The following IL15RA variants were observed in gnomAD, a reference collection of about 807,000 sequenced individuals.
The protein encoded by IL15RA is interleukin 15 receptor subunit alpha.
Under a neutral mutation model 24.2 loss-of-function variants are expected in IL15RA, and 26 were observed. The ratio of observed to expected loss-of-function variants is 1.07; its 90% CI spans 0.79 to 1.49. The LOEUF (loss-of-function observed/expected upper bound fraction) is 1.49. IL15RA is among the 40% of genes most tolerant of loss of function. The pLI, the probability that IL15RA is intolerant of heterozygous loss-of-function variation, is 0.00. For synonymous variants in IL15RA, 166 were observed against 157.6 expected, an observed-to-expected ratio of 1.05 and a Z score of -0.40; for missense variants, 354 against 356.4, an observed-to-expected ratio of 0.99 and a Z score of 0.05.
rs546150725 is a variant in IL15RA at position 5,977,056 on chromosome 10, C to G, written c.88+349G>C. 3 of 219,232 alleles carry G rather than the reference C, an allele frequency of 1.4e-5. No homozygotes were observed. The Admixed American group carries it at 1.8e-4, about 13-fold the overall frequency. The allele number at this position is 219,232 out of a possible 1,614,324, so 13.6% of individuals were successfully genotyped here. A position where few individuals can be genotyped will look rare whatever the true frequency, so the allele number is the denominator to read the frequency against. On this transcript the variant is annotated intron_variant, in intron 1 of 6. Coordinates refer to ENST00000379977, the MANE Select transcript of IL15RA (RefSeq NM_002189.4). ...GGCGCCTGGGAGAAGCGCACTCGCC[C>G]GTGTCTCCAAACTGCTGGACGCCGC...
At chr10:5,951,723 G>A (rs978522531), downstream of IL15RA, among the ~76,000 whole-genome samples, 1 of 152,102 alleles carries the variant, frequency 6.6e-6, no homozygotes, top group Non-Finnish European at 1.5e-5. Flanking sequence ...AGCTACTTGG[G>A]AGGCTGAGGT....
intron 1 of IL15RA, among the ~76,000 whole-genome samples, chr10:5,976,779 G>T (rs1435376472): frequency 2.0e-5 from 3 of 151,452 alleles, no homozygotes; most frequent in Admixed American, 6.6e-5. Flanking sequence ...TAGACTCCAG[G>T]CTGGCCCCCA....
Position 5,975,406 on chromosome 10 carries a change from C to T in IL15RA, c.88+1999G>A, listed in dbSNP as rs546293873. 2.0e-5 allele frequency among the ~76,000 whole-genome samples: 3 copies of T among 150,912 alleles called. No homozygotes were observed. Among genetic ancestry groups the T allele is most frequent in the Non-Finnish European group, 4.4e-5 (3 of 67,908 alleles). On this transcript the variant is annotated intron_variant, in intron 1 of 6. Coordinates refer to ENST00000379977, the MANE Select transcript of IL15RA (RefSeq NM_002189.4). This position sits in a 1 kb window ranked among gnomAD's most constrained non-coding sequence, Gnocchi z 4.8. ...TGCATCAAATTGCCTGGGAGATGGG[C>T]GAGGTGGGAGATGAGGACTGTGCAG...
chr10:5,967,201 A>G lies in IL15RA; in HGVS notation c.89-862T>C, dbSNP rs1349477235. Among the ~76,000 whole-genome samples, 1 of 147,804 alleles carries G rather than the reference A, an allele frequency of 6.8e-6. No individual in the cohort carries two copies. The highest frequency in any genetic ancestry group is 1.5e-5 in the Non-Finnish European group (1 of 67,970). On this transcript the variant is annotated intron_variant, in intron 1 of 6. Transcript: ENST00000379977. This position sits in a 1 kb window ranked among gnomAD's most constrained non-coding sequence, Gnocchi z 4.4. ...GTCTTGCCTTGCCTTACCTTGCCTT[A>G]CCTTGCCTTGCCTTTCTTTTTTGAG...
chr10:5,959,465 T>C lies in IL15RA; in HGVS notation c.616+289A>G, dbSNP rs1835129009. On this transcript the variant is annotated intron_variant, in intron 5 of 6. Coordinates refer to ENST00000379977, the MANE Select transcript of IL15RA (RefSeq NM_002189.4). This position sits in a 1 kb window ranked among gnomAD's most constrained non-coding sequence, Gnocchi z 4.1. Reference sequence around the variant, plus strand: ...TGCTCCATGCAAAAGAGGTGCACCCTGCTGTGAAGAGCTGACCTTGAGCCC... The same window carrying C: ...TGCTCCATGCAAAAGAGGTGCACCCCGCTGTGAAGAGCTGACCTTGAGCCC... Among the ~76,000 whole-genome samples the C allele has an allele frequency of 6.6e-6, 1 of 152,246 alleles. No homozygotes were observed. The highest frequency in any genetic ancestry group is 2.4e-5 in the African/African-American group (1 of 41,476).
Position 5,964,413 on chromosome 10 carries a change from C to T in IL15RA, c.284-572G>A, listed in dbSNP as rs758136204. On this transcript the variant is annotated intron_variant, in intron 2 of 6. Transcript: ENST00000379977. This position sits in a 1 kb window ranked among gnomAD's most constrained non-coding sequence, Gnocchi z 5.6. ...AACTCCTGGTCTCAAGAAATCCCTC[C>T]CATCTCGGCCTCCCAAAGTGCTGGG... is the stretch of plus-strand genomic sequence containing the variant. Among the ~76,000 whole-genome samples, 1 of 152,134 alleles carries T rather than the reference C, an allele frequency of 6.6e-6. No individual in the cohort carries two copies. The highest frequency in any genetic ancestry group is 1.5e-5 in the Non-Finnish European group (1 of 68,022).
chr10:5,949,766 C>T (rs756058327), downstream of IL15RA, among the ~76,000 whole-genome samples: 2 of 152,038 alleles, frequency 1.3e-5, no homozygotes, highest in African/African-American at 2.4e-5. The surrounding 1 kb of genome is among the most constrained non-coding windows in gnomAD (Gnocchi z 4.4). Flanking sequence ...GAATAAAGAA[C>T]GTAAGTGGTT....
downstream of IL15RA, among the ~76,000 whole-genome samples, chr10:5,952,079 A>G (rs1227279852): frequency 6.6e-6 from 1 of 152,200 alleles, no homozygotes; most frequent in African/African-American, 2.4e-5. Context: ...TAGGCCCATG[A>G]TTTTAGAAAT....
intron 6 of IL15RA, chr10:5,954,125 C>G (rs1009615349): frequency 3.3e-5 from 5 of 151,780 alleles, no homozygotes; most frequent in African/African-American, 1.2e-4. Flanking sequence ...AATCAATTCA[C>G]CAAATGACCA....
rs1261143779 is a variant in IL15RA at position 5,960,627 on chromosome 10, C to T, written c.383-60G>A. Reference sequence around the variant, plus strand: ...GTGCAGACTCCCCTCCTCTCAGCTGCAGCACGGGGTGATGTGGGAGCTGCC... The same window carrying T: ...GTGCAGACTCCCCTCCTCTCAGCTGTAGCACGGGGTGATGTGGGAGCTGCC... On this transcript the variant is annotated intron_variant, in intron 3 of 6. Coordinates refer to ENST00000379977, the MANE Select transcript of IL15RA (RefSeq NM_002189.4). The surrounding 1 kb of genome is among the most constrained non-coding windows in gnomAD (Gnocchi z 5.1). 6.9e-7 allele frequency: 1 copy of T among 1,439,202 alleles called. No individual in the cohort carries two copies. The highest frequency in any genetic ancestry group is 2.3e-5 in the East Asian group (1 of 43,134). 89.2% of individuals were successfully genotyped at this position (1,439,202 alleles called of 1,614,324 possible). A position where few individuals can be genotyped will look rare whatever the true frequency, so the allele number is the denominator to read the frequency against.
Position 5,953,467 on chromosome 10 carries a change from C to T in IL15RA, c.693-261G>A. 1.5e-6 allele frequency: 1 copy of T among 658,180 alleles called. No individual in the cohort carries two copies. 40.8% of individuals were successfully genotyped at this position (658,180 alleles called of 1,614,324 possible). A position where few individuals can be genotyped will look rare whatever the true frequency, so the allele number is the denominator to read the frequency against. The stretch of plus-strand genomic sequence containing the variant: ...CCTGTAATCCTAGCACTTTAGGAGG[C>T]TGTCGTGGGAGGATCGCTTGAGCCC... On this transcript the variant is annotated intron_variant, in intron 6 of 6. Transcript: ENST00000379977. The surrounding 1 kb of genome is among the most constrained non-coding windows in gnomAD (Gnocchi z 5.3).
intron 1 of IL15RA, among the ~76,000 whole-genome samples, chr10:5,976,244 C>T (rs964637285): frequency 1.4e-5 from 2 of 143,690 alleles, no homozygotes; most frequent in South Asian, 2.1e-4. Context: ...CTCATGAAAA[C>T]GAAACTTCAA....
intron 5 of IL15RA, among the ~76,000 whole-genome samples, chr10:5,957,586 T>C (rs1349009253): frequency 8.2e-6 from 1 of 121,354 alleles, no homozygotes; most frequent in African/African-American, 3.3e-5. Context: ...CTTTTTCTTT[T>C]CTTCTTCTTT....
chr10:5,976,761 T>G (rs8177634), intron 1 of IL15RA, among the ~76,000 whole-genome samples: 4 of 152,166 alleles, frequency 2.6e-5, no homozygotes, highest in African/African-American at 9.6e-5. Context: ...CCCCTTTTTC[T>G]GCGAGTGTAG....
chr10:5,969,513 C>G (rs552597027), intron 1 of IL15RA, among the ~76,000 whole-genome samples: 32 of 152,118 alleles, frequency 2.1e-4, no homozygotes, highest in Non-Finnish European at 3.7e-4. Flanking sequence ...CCTGAGACCA[C>G]AGATGTGCAC....
rs3136618 is a variant in IL15RA at position 5,959,733 on chromosome 10, C to T, written c.616+21G>A. ...GCGGTCACCCTGATCATAAACATAC[C>T]GGACAAAGGGACACACTTACCAGTG... On this transcript the variant is annotated intron_variant, in intron 5 of 6. Coordinates refer to ENST00000379977, the MANE Select transcript of IL15RA (RefSeq NM_002189.4). This position sits in a 1 kb window ranked among gnomAD's most constrained non-coding sequence, Gnocchi z 4.1. 805,895 of 1,608,780 alleles carry T rather than the reference C, an allele frequency of 0.5. 204,477 individuals carry two copies. The highest frequency in any genetic ancestry group is 0.66 in the African/African-American group (49,236 of 74,862).
chr10:5,962,027 G>A lies in IL15RA; in HGVS notation c.383-1460C>T, dbSNP rs1225565853. On this transcript the variant is annotated intron_variant, in intron 3 of 6. Coordinates refer to ENST00000379977, the MANE Select transcript of IL15RA (RefSeq NM_002189.4). This position sits in a 1 kb window ranked among gnomAD's most constrained non-coding sequence, Gnocchi z 5.2. ...TCGGGTCAAAGGCTGCTGTCACATC[G>A]GGGCTTCTGACTGCACCATTGTGTC... 3.3e-5 allele frequency among the ~76,000 whole-genome samples: 5 copies of A among 152,182 alleles called. No homozygotes were observed. The highest frequency in any genetic ancestry group is 2.1e-4 in the South Asian group (1 of 4,830).
rs1834978354 is a variant in IL15RA at position 5,958,787 on chromosome 10, C to T, written c.616+967G>A. On this transcript the variant is annotated intron_variant, in intron 5 of 6. Coordinates refer to ENST00000379977, the MANE Select transcript of IL15RA (RefSeq NM_002189.4). This position sits in a 1 kb window ranked among gnomAD's most constrained non-coding sequence, Gnocchi z 4.3. ...TTTGATGCAGGTAAAAATGACACCA[C>T]AAAAATATGAGTCATTCTCTAGCAG... Among the ~76,000 whole-genome samples the T allele has an allele frequency of 1.3e-5, 2 of 152,186 alleles. No individual in the cohort carries two copies. The highest frequency in any genetic ancestry group is 4.8e-5 in the African/African-American group (2 of 41,440).
rs1838954794 is a variant in IL15RA at position 5,953,722 on chromosome 10, A to C, written c.693-516T>G. ...AAACCAGAGTTGATCATCTTGAAAA[A>C]AGTGATTTAATATTCATGAAGCTTT... On this transcript the variant is annotated intron_variant, in intron 6 of 6. Transcript: ENST00000379977. This position sits in a 1 kb window ranked among gnomAD's most constrained non-coding sequence, Gnocchi z 5.3. The C allele has an allele frequency of 4.1e-6, 1 of 244,754 alleles. No individual in the cohort carries two copies. The highest frequency in any genetic ancestry group is 2.2e-5 in the African/African-American group (1 of 45,150). The allele number at this position is 244,754 out of a possible 1,614,324, so 15.2% of individuals were successfully genotyped here. A position where few individuals can be genotyped will look rare whatever the true frequency, so the allele number is the denominator to read the frequency against.
Sources: gnomAD v4.1 joint callset for allele counts (sites outside exome capture counted in the v4.1 genomes callset) on GRCh38, gnomAD v4.1.1 for gene constraint, Gnocchi (gnomAD v3.1) non-coding constraint, MANE v1.5 for transcripts, NCBI Gene and HGNC (gene_info 2026-07-23, HGNC 2026-07-21) for gene names.